Variants in SCYL3 observed in about 807,000 individuals in gnomAD.
SCYL3 encodes the protein SCY1 like pseudokinase 3.
SCYL3 carries 35 observed loss-of-function variants against 73.8 expected under a neutral mutation model. That is an observed-to-expected ratio of 0.47 (90% CI 0.36 to 0.63). SCYL3 has a LOEUF of 0.63. SCYL3 is among the 20% of genes least tolerant of loss of function. SCYL3 has a pLI of 0.00. For synonymous variants in SCYL3, 277 were observed against 295.2 expected (o/e 0.94, Z 0.63); for missense variants, 712 against 798.9 (o/e 0.89, Z 1.31).
At position 169,852,323 on chromosome 1, in the gene SCYL3, A is replaced by T; in HGVS notation, c.*1390T>A. 1 of 292,852 alleles carries T rather than the reference A, an allele frequency of 3.4e-6. No individual in the cohort carries two copies. Among genetic ancestry groups the T allele is most frequent in the Non-Finnish European group, 6.5e-6 (1 of 154,558 alleles). The allele number at this position is 292,852 out of a possible 1,614,324, so 18.1% of individuals were successfully genotyped here. ...TAATTTTTGGCAGTAACTGAAGATC[A>T]CATCTACTTATTAAAAGGCAGAATT... is the stretch of plus-strand genomic sequence containing the variant. On this transcript the variant is annotated 3_prime_UTR_variant, in exon 13 of 13. Transcript: ENST00000367771.
intron 11 of SCYL3, among the ~76,000 whole-genome samples, chr1:169,856,729 C>CTT (rs1263600193): frequency 6.6e-6 from 1 of 152,200 alleles, no homozygotes; most frequent in African/African-American, 2.4e-5. Context: ...TTCAGGCAGA[C>CTT]TTAATTTCCT....
chr1:169,872,668 C>T (rs1449163761), intron 5 of SCYL3, among the ~76,000 whole-genome samples: 1 of 152,208 alleles, frequency 6.6e-6, no homozygotes, highest in East Asian at 1.9e-4. Flanking sequence ...CTGTACCCTG[C>T]AGAGCCACAG....
At chr1:169,874,376 C>A (rs1660642736) in intron 4 of SCYL3, among the ~76,000 whole-genome samples, 1 of 152,170 alleles carries the variant, frequency 6.6e-6, no homozygotes, top group Admixed American at 6.6e-5. Flanking sequence ...CTAAGAATCT[C>A]CATAAACGTG....
chr1:169,860,242 A>T (rs1163262727), intron 10 of SCYL3, among the ~76,000 whole-genome samples: 1 of 152,246 alleles, frequency 6.6e-6, no homozygotes, highest in African/African-American at 2.4e-5. Context: ...AGTTAGTCTA[A>T]CATTCTTAAA....
intron 1 of SCYL3, among the ~76,000 whole-genome samples, chr1:169,892,105 T>A (rs1662127322): frequency 6.6e-6 from 1 of 152,216 alleles, no homozygotes; most frequent in Non-Finnish European, 1.5e-5. Flanking sequence ...AGTGGTAAGA[T>A]TATATTGTAT....
At position 169,859,054 on chromosome 1, in the gene SCYL3, G is replaced by T. The variant is rs1239151970; in HGVS notation, c.1299C>A (p.Asp433Glu). 1 of 1,612,954 alleles carries T rather than the reference G, an allele frequency of 6.2e-7. No individual in the cohort carries two copies. The highest frequency in any genetic ancestry group is 8.5e-7 in the Non-Finnish European group (1 of 1,179,706). The part of the protein sequence containing the change: ...RTAPSFTKNT[D>E]LSLEGDPFSQ... ...AATAATTCTTACCTTCTAGAGAAAG[G>T]TCAGTATTTTTAGTAAAACTTGGGG... The change falls in exon 11 of 13, where the codon GAC becomes GAA. Residue 433 changes from aspartate (D) to glutamate (E), a missense_variant. Asp to Glu is a conservative substitution (Grantham distance 45). Around this residue, in one of 2 missense-constraint regions of SCYL3, gnomAD observed 370 missense variants for 350.8 expected, o/e 1.05. Coordinates refer to ENST00000367771, the MANE Select transcript of SCYL3 (RefSeq NM_020423.7).
Position 169,851,588 on chromosome 1 carries a change from T to TATC in SCYL3, c.*2122_*2124dup, listed in dbSNP as rs1327215318. The TATC allele has an allele frequency of 2.2e-5, 12 of 556,600 alleles. No individual in the cohort carries two copies. Among genetic ancestry groups the TATC allele is most frequent in the African/African-American group, 1.1e-4 (6 of 52,660 alleles). The allele number at this position is 556,600 out of a possible 1,614,324, so 34.5% of individuals were successfully genotyped here. A position where few individuals can be genotyped will look rare whatever the true frequency, so the allele number is the denominator to read the frequency against. ...GCTTATACAGTAAAGGTTAGCAGACTATCATTTTTTCCTGCAAAGACAACT... is the reference window on the plus strand; with the variant it reads ...GCTTATACAGTAAAGGTTAGCAGACTATCATCATTTTTTCCTGCAAAGACAACT... On this transcript the variant is annotated 3_prime_UTR_variant, in exon 13 of 13. Coordinates refer to ENST00000367771, the MANE Select transcript of SCYL3 (RefSeq NM_020423.7).
At chr1:169,861,333 G>A (rs1411776053) in intron 10 of SCYL3, among the ~76,000 whole-genome samples, 1 of 151,346 alleles carries the variant, frequency 6.6e-6, no homozygotes, top group African/African-American at 2.4e-5. Context: ...TTTTTCTTTA[G>A]CCCTGGCCAG....
intron 5 of SCYL3, 40 bp downstream of exon 5, chr1:169,873,656 A>G: frequency 1.4e-6 from 2 of 1,415,892 alleles, no homozygotes; most frequent in Non-Finnish European, 2.0e-6. Flanking sequence ...ACTCAATTAC[A>G]CAAAGGCACC....
intron 10 of SCYL3, among the ~76,000 whole-genome samples, chr1:169,861,892 G>A (rs768098801): frequency 3.9e-5 from 6 of 152,112 alleles, no homozygotes; most frequent in African/African-American, 9.7e-5. Context: ...CTTTCTAAGA[G>A]GCCATGTAAA....
At chr1:169,886,087 CG>C (rs1201234201) in intron 2 of SCYL3, among the ~76,000 whole-genome samples, 1 of 152,062 alleles carries the variant, frequency 6.6e-6, no homozygotes, top group Non-Finnish European at 1.5e-5. Context: ...CTGAGGAAGG[CG>C]GATCACGAGG....
chr1:169,876,092 C>A lies in SCYL3; in HGVS notation c.352-1G>T. The A allele has an allele frequency of 6.5e-7, 1 of 1,545,846 alleles. No individual in the cohort carries two copies. Among genetic ancestry groups the A allele is most frequent in the Non-Finnish European group, 8.7e-7 (1 of 1,145,518 alleles). On this transcript the variant is annotated splice_acceptor_variant, in intron 3 of 12. Coordinates refer to ENST00000367771, the MANE Select transcript of SCYL3 (RefSeq NM_020423.7). LOFTEE classifies it high-confidence loss of function. Reference sequence around the variant, plus strand: ...AGACATTATTGTGTGTTAGGTGTCCCTGGAAAAAAAAAAGAACAGAAGGAA... The same window carrying A: ...AGACATTATTGTGTGTTAGGTGTCCATGGAAAAAAAAAAGAACAGAAGGAA...
chr1:169,873,279 C>T (rs1660556156), intron 5 of SCYL3, among the ~76,000 whole-genome samples: 1 of 152,222 alleles, frequency 6.6e-6, no homozygotes, highest in Non-Finnish European at 1.5e-5. Flanking sequence ...CTCTTGTCTG[C>T]TGCCATGTGA....
chr1:169,869,939 T>C (rs1660278976), intron 6 of SCYL3, among the ~76,000 whole-genome samples: 1 of 152,254 alleles, frequency 6.6e-6, no homozygotes, highest in Admixed American at 6.5e-5. Context: ...TATGTACTTA[T>C]TGGCCGGTTC....
chr1:169,873,292 A>T lies in SCYL3; in HGVS notation c.522+404T>A, dbSNP rs138420534. 4.2e-3 allele frequency among the ~76,000 whole-genome samples: 638 copies of T among 152,310 alleles called. 5 individuals are homozygous for T. The highest frequency in any genetic ancestry group is 0.013 in the African/African-American group (557 of 41,580). Reference sequence around the variant, plus strand: ...TTCTCTTGTCTGCTGCCATGTGAGAAGTGCCTTTCACCTTCCGCCATGATT... The same window carrying T: ...TTCTCTTGTCTGCTGCCATGTGAGATGTGCCTTTCACCTTCCGCCATGATT... On this transcript the variant is annotated intron_variant, in intron 5 of 12. Coordinates refer to ENST00000367771, the MANE Select transcript of SCYL3 (RefSeq NM_020423.7).
chr1:169,849,665 C>A lies in SCYL3; in HGVS notation c.*4048G>T, dbSNP rs1657852758. The stretch of plus-strand genomic sequence containing the variant: ...AACCATTTTAATATTTCAAATATTC[C>A]AGAACAATCCCAAAACATTTATTGA... On this transcript the variant is annotated 3_prime_UTR_variant, in exon 13 of 13. Transcript: ENST00000367771. 1.5e-6 allele frequency: 2 copies of A among 1,299,940 alleles called. No individual in the cohort carries two copies. Among genetic ancestry groups the A allele is most frequent in the African/African-American group, 1.5e-5 (1 of 68,400 alleles). 80.5% of individuals were successfully genotyped at this position (1,299,940 alleles called of 1,614,324 possible).
At chr1:169,879,803 T>TA (rs1313643646) in intron 2 of SCYL3, among the ~76,000 whole-genome samples, 2 of 151,474 alleles carry the variant, frequency 1.3e-5, no homozygotes, top group Non-Finnish European at 3.0e-5. Context: ...CTCCTAGAGA[T>TA]AAAGGAAAAG....
chr1:169,860,969 T>C (rs1659597188), intron 10 of SCYL3, among the ~76,000 whole-genome samples: 1 of 152,232 alleles, frequency 6.6e-6, no homozygotes, highest in South Asian at 2.1e-4. Context: ...AGAGGTTTCA[T>C]TGTCTTCCAC....
intron 3 of SCYL3, among the ~76,000 whole-genome samples, chr1:169,876,924 C>T (rs1183236675): frequency 7.3e-6 from 1 of 136,854 alleles, no homozygotes; most frequent in African/African-American, 2.8e-5. Flanking sequence ...CACTGCACTC[C>T]AGCCTAGGCG....
Sources: gnomAD v4.1 joint callset for allele counts (sites outside exome capture counted in the v4.1 genomes callset) on GRCh38, gnomAD v4.1.1 for gene constraint, gnomAD v4.1.1 regional missense constraint, MANE v1.5 for transcripts, NCBI Gene and HGNC (gene_info 2026-07-23, HGNC 2026-07-21) for gene names.